The following EEF1G variants were observed in gnomAD, a reference collection of about 807,000 sequenced individuals.
EEF1G encodes eukaryotic translation elongation factor 1 gamma.
A neutral mutation model predicts 58.3 loss-of-function variants in EEF1G; 14 were observed. That is an observed-to-expected ratio of 0.24 (90% confidence interval 0.16 to 0.38). The LOEUF is 0.38. Among genes scored for constraint, EEF1G ranks in the 10% least tolerant of loss-of-function variants. The probability of loss-of-function intolerance (pLI) is 1.00; values close to 1 mark genes in which losing one functional copy is unlikely to be tolerated. For missense variants in EEF1G, 322 were observed against 550.1 expected (o/e 0.59, Z 4.15); for synonymous variants, 180 against 206.8 (o/e 0.87, Z 1.11).
intron 2 of EEF1G, 90 bp downstream of exon 2, chr11:62,572,494 C>T (rs988311139): frequency 3.9e-6 from 6 of 1,526,550 alleles, no homozygotes; most frequent in South Asian, 1.2e-5. Flanking sequence ...GGGAAGCTCC[C>T]TTTTAGAGAT....
chr11:62,570,702 G>C (rs188444214), intron 5 of EEF1G, among the ~76,000 whole-genome samples: 2 of 151,970 alleles, frequency 1.3e-5, no homozygotes, highest in Admixed American at 6.6e-5. Flanking sequence ...CTATAGGTGT[G>C]CGCCACCACA....
At chr11:62,571,760 T>G in intron 3 of EEF1G, 78 bp from the exon 4 acceptor site, 1 of 1,561,870 alleles carries the variant, frequency 6.4e-7, no homozygotes, top group Non-Finnish European at 8.7e-7. Context: ...TTCCTTCATA[T>G]CCACCCCCGC....
intron 7 of EEF1G, among the ~76,000 whole-genome samples, chr11:62,564,396 G>A (rs901696270): frequency 9.4e-5 from 14 of 148,748 alleles, no homozygotes; most frequent in Non-Finnish European, 1.3e-4. Context: ...CCCAGGAGGC[G>A]GAGACTGCAG....
intron 7 of EEF1G, among the ~76,000 whole-genome samples, chr11:62,563,522 CG>C (rs1410495791): frequency 6.6e-6 from 1 of 152,134 alleles, no homozygotes; most frequent in Admixed American, 6.6e-5. Flanking sequence ...AGTTGGACAC[CG>C]GACTAAGCAA....
At chr11:62,563,738 T>TA (rs1356124921) in intron 7 of EEF1G, among the ~76,000 whole-genome samples, 2 of 152,314 alleles carry the variant, frequency 1.3e-5, no homozygotes, top group African/African-American at 4.8e-5. Context: ...TATCAACTGT[T>TA]ACCCTGACCC....
intron 7 of EEF1G, among the ~76,000 whole-genome samples, chr11:62,561,510 T>TAAAA (rs71458419): frequency 9.8e-6 from 1 of 102,354 alleles, no homozygotes. Flanking sequence ...CTATCTCTAC[T>TAAAA]AAAAAAAAAA....
At chr11:62,561,266 C>T (rs1175979701) in intron 7 of EEF1G, among the ~76,000 whole-genome samples, 3 of 151,816 alleles carry the variant, frequency 2.0e-5, no homozygotes, top group Non-Finnish European at 2.9e-5. Context: ...ATTAGCTGGG[C>T]GTGGTGGCAG....
In EEF1G at chr11:62,560,139, A is replaced by T. The variant is rs776194268; in HGVS notation, c.1085T>A (p.Leu362His). 1 of 1,614,070 alleles carries T rather than the reference A, an allele frequency of 6.2e-7. No homozygotes were observed. Among genetic ancestry groups the T allele is most frequent in the Non-Finnish European group, 8.5e-7 (1 of 1,179,904 alleles). ...GGAGCTGCTATTGTTGGTTCCAAAA[A>T]GGATGACACTGGCGAAGGCATTCTT... The part of the protein sequence containing the change: ...LRKNAFASVI[L>H]FGTNNSSSIS... Residue 362 changes from leucine (L) to histidine (H), a missense_variant, in exon 9 of 10, where the codon CTT becomes CAT. Leu to His is a moderately conservative substitution (Grantham distance 99, BLOSUM62 -3). Coordinates refer to ENST00000329251, the MANE Select transcript of EEF1G (RefSeq NM_001404.5).
At chr11:62,560,980 G>A (rs772128134) in intron 7 of EEF1G, among the ~76,000 whole-genome samples, 2 of 152,194 alleles carry the variant, frequency 1.3e-5, no homozygotes, top group Admixed American at 6.5e-5. Flanking sequence ...AAGGTTTTCC[G>A]ATGCTGGAAA....
chr11:62,566,006 G>T (rs1289006539), intron 7 of EEF1G, among the ~76,000 whole-genome samples: 1 of 152,062 alleles, frequency 6.6e-6, no homozygotes, highest in Non-Finnish European at 1.5e-5. Flanking sequence ...AGGGTGAGTG[G>T]GAGGAAAAAG....
chr11:62,565,054 C>T (rs910988855), intron 7 of EEF1G, among the ~76,000 whole-genome samples: 4 of 151,544 alleles, frequency 2.6e-5, no homozygotes, highest in African/African-American at 9.7e-5. Flanking sequence ...GCCTGGGTGA[C>T]AGAGTGAGAC....
At position 62,566,809 on chromosome 11, in the gene EEF1G, T is replaced by C. The variant is rs748772853; in HGVS notation, c.854A>G (p.Lys285Arg). ...KAKDPFAHLP[K>R]STFVLDEFKR... ...CTCCACCCTCCAATATCCTTACCTC[T>C]TGGGCAGGTGAGCGAAGGGGTCCTT... is the stretch of plus-strand genomic sequence containing the variant. The change falls in exon 7 of 10, where the codon AAG (lysine) becomes AGG (arginine). Residue 285 changes from lysine (K) to arginine (R), a missense_variant. Physicochemically the swap from Lys to Arg is conservative, Grantham distance 26 (BLOSUM62 2). This residue lies in a region of EEF1G where 208 missense variants were observed against 323.7 expected (regional missense o/e 0.64). Transcript: ENST00000329251. 5.6e-6 allele frequency: 9 copies of C among 1,613,616 alleles called. No individual in the cohort carries two copies. Among genetic ancestry groups the C allele is most frequent in the African/African-American group, 2.7e-5 (2 of 75,034 alleles).
intron 2 of EEF1G, 87 bp from the exon 3 acceptor site, chr11:62,571,988 T>G: frequency 9.0e-7 from 1 of 1,116,992 alleles, no homozygotes; most frequent in Non-Finnish European, 1.3e-6. Context: ...TTGAAAATAC[T>G]TATATAAGGC....
chr11:62,564,545 G>A lies in EEF1G; in HGVS notation c.857+2261C>T, dbSNP rs375469663. On this transcript the variant is annotated intron_variant, in intron 7 of 9. Coordinates refer to ENST00000329251, the MANE Select transcript of EEF1G (RefSeq NM_001404.5). ...TGGGAGGCGGAGACGGGCGGATCAC[G>A]AGGTCAGGAGTTCGAGACCAGCCTG... Among the ~76,000 whole-genome samples the A allele has an allele frequency of 1.7e-4, 26 of 151,382 alleles. No individual in the cohort carries two copies. In the East Asian group the frequency reaches 3.7e-3, roughly 21 times the overall value.
At chr11:62,563,682 T>C (rs1489154358) in intron 7 of EEF1G, among the ~76,000 whole-genome samples, 1 of 152,214 alleles carries the variant, frequency 6.6e-6, no homozygotes, top group Non-Finnish European at 1.5e-5. Flanking sequence ...AGCATAAATA[T>C]TGCCATGAGT....
intron 7 of EEF1G, among the ~76,000 whole-genome samples, chr11:62,560,662 G>A (rs1252354237): frequency 1.3e-5 from 2 of 152,212 alleles, no homozygotes; most frequent in Non-Finnish European, 2.9e-5. Context: ...AAGGCATGTG[G>A]AGGGTGGAAC....
chr11:62,566,907 T>C lies in EEF1G; in HGVS notation c.756A>G (p.Lys252=), dbSNP rs1165542438. 1 of 1,613,758 alleles carries C rather than the reference T, an allele frequency of 6.2e-7. No homozygotes were observed. Among genetic ancestry groups the C allele is most frequent in the African/African-American group, 1.3e-5 (1 of 74,920 alleles). The stretch of plus-strand genomic sequence containing the variant: ...CCTCAGGAGCAGGGGCAGCCGCCTT[T>C]TTCTCCTCCTTCCGCTCAGCCTGGG... ...QKPQAERKEE[K]KAAAPAPEEE... The change falls in exon 7 of 10, where the codon AAA becomes AAG. Residue 252 remains lysine, a synonymous_variant. Coordinates refer to ENST00000329251, the MANE Select transcript of EEF1G (RefSeq NM_001404.5).
chr11:62,573,475 C>G, intron 1 of EEF1G: 1 of 366,460 alleles, frequency 2.7e-6, no homozygotes, highest in Non-Finnish European at 5.1e-6. Flanking sequence ...AAAGACCCTC[C>G]TCTTCAACCT....
At chr11:62,560,980 G>C (rs772128134) in intron 7 of EEF1G, among the ~76,000 whole-genome samples, 2 of 152,194 alleles carry the variant, frequency 1.3e-5, no homozygotes, top group Admixed American at 6.5e-5. Context: ...AAGGTTTTCC[G>C]ATGCTGGAAA....
Sources: allele counts gnomAD v4.1 joint callset (sites outside exome capture counted in the v4.1 genomes callset), GRCh38; gene constraint gnomAD v4.1.1; regional missense constraint gnomAD v4.1.1; transcripts MANE v1.5; gene names NCBI Gene and HGNC (gene_info 2026-07-23, HGNC 2026-07-21).